CASZ1: variants seen among roughly 807,000 people sequenced by gnomAD.
CASZ1 encodes zinc finger protein castor homolog 1.
CASZ1 carries 28 observed loss-of-function variants against 135.2 expected under a neutral mutation model. The ratio of observed to expected loss-of-function variants is 0.21; its 90% confidence interval spans 0.15 to 0.28. CASZ1 has a LOEUF of 0.28. CASZ1 is among the 10% of genes least tolerant of loss of function. The pLI, the probability that CASZ1 is intolerant of heterozygous loss-of-function variation, is 1.00. For synonymous variants in CASZ1, 1,068 were observed against 1,073.4 expected, an observed-to-expected ratio of 0.99 and a Z score of 0.10; for missense variants, 2,161 against 2,453.3, an observed-to-expected ratio of 0.88 and a Z score of 2.52.
At chr1:10,763,819 G>A (rs1442710960) in intron 1 of CASZ1, among the ~76,000 whole-genome samples, 1 of 152,170 alleles carries the variant, frequency 6.6e-6, no homozygotes, top group African/African-American at 2.4e-5. Context: ...GATGAGCTCC[G>A]TGCAGCTTGG....
intron 2 of CASZ1, among the ~76,000 whole-genome samples, chr1:10,758,454 C>T (rs1414445461): frequency 1.3e-5 from 2 of 151,918 alleles, no homozygotes; most frequent in Non-Finnish European, 2.9e-5. Context: ...GCCTTAGCCT[C>T]CCAAGTAGCT....
rs1299895761 is a variant in CASZ1 at position 10,706,592 on chromosome 1, C to T, written c.-76-1048G>A. On this transcript the variant is annotated intron_variant, in intron 2 of 20. Transcript: ENST00000377022. This position sits in a 1 kb window ranked among gnomAD's most constrained non-coding sequence, Gnocchi z 4.3. ...GCTCCCGGAATGCCACCCAGTCCCACCGCCCGCTCTCCGGTTCCCAGGACA... is the reference window on the plus strand; with the variant it reads ...GCTCCCGGAATGCCACCCAGTCCCATCGCCCGCTCTCCGGTTCCCAGGACA... 1.3e-5 allele frequency among the ~76,000 whole-genome samples: 2 copies of T among 152,212 alleles called. No individual in the cohort carries two copies. Among genetic ancestry groups the T allele is most frequent in the African/African-American group, 2.4e-5 (1 of 41,442 alleles).
chr1:10,789,358 C>T (rs552614641), intron 1 of CASZ1, among the ~76,000 whole-genome samples: 5 of 149,324 alleles, frequency 3.3e-5, no homozygotes, highest in Admixed American at 1.3e-4. Context: ...AGGGCCTCTG[C>T]CTGCCCCCCG....
Position 10,700,078 on chromosome 1 carries a change from G to GACACACACACACACACACACACACAC in CASZ1, c.-24+5413_-24+5414insGTGTGTGTGTGTGTGTGTGTGTGTGT, listed in dbSNP as rs1443024550. 1.9e-3 allele frequency among the ~76,000 whole-genome samples: 138 copies of GACACACACACACACACACACACACAC among 74,146 alleles called. 2 individuals carry two copies. Among genetic ancestry groups the GACACACACACACACACACACACACAC allele is most frequent in the African/African-American group, 7.3e-3 (126 of 17,164 alleles). 48.6% of individuals were successfully genotyped at this position (74,146 alleles called of 152,430 possible). ...AGAGACAGAGAGAGAAAGAGAGATA[G>GACACACACACACACACACACACACAC]AGACACACACACACACACACACACA... On this transcript the variant is annotated intron_variant, in intron 3 of 20. Coordinates refer to ENST00000377022, the MANE Select transcript of CASZ1 (RefSeq NM_001079843.3). The surrounding 1 kb of genome is among the most constrained non-coding windows in gnomAD (Gnocchi z 4.2).
At position 10,735,750 on chromosome 1, in the gene CASZ1, G is replaced by A. The variant is rs2100518142; in HGVS notation, c.-77+24951C>T. On this transcript the variant is annotated intron_variant, in intron 2 of 20. Transcript: ENST00000377022. This position sits in a 1 kb window ranked among gnomAD's most constrained non-coding sequence, Gnocchi z 5.1. Reference sequence around the variant, plus strand: ...AAGTCACGGGCATCTGCCTACCAAGGGACAGGCCCAGTGTCATCTGACAGG... The same window carrying A: ...AAGTCACGGGCATCTGCCTACCAAGAGACAGGCCCAGTGTCATCTGACAGG... 6.6e-6 allele frequency among the ~76,000 whole-genome samples: 1 copy of A among 152,280 alleles called. No homozygotes were observed. The highest frequency in any genetic ancestry group is 1.9e-4 in the East Asian group (1 of 5,190).
chr1:10,694,826 G>A lies in CASZ1; in HGVS notation c.-23-914C>T, dbSNP rs1340360557. 6.9e-6 allele frequency among the ~76,000 whole-genome samples: 1 copy of A among 145,276 alleles called. No individual in the cohort carries two copies. Among genetic ancestry groups the A allele is most frequent in the Non-Finnish European group, 1.5e-5 (1 of 65,444 alleles). On this transcript the variant is annotated intron_variant, in intron 3 of 20. Transcript: ENST00000377022. The surrounding 1 kb of genome is among the most constrained non-coding windows in gnomAD (Gnocchi z 6.6). The stretch of plus-strand genomic sequence containing the variant: ...CTCAGGGCTGGCGGGAGGGGACCCG[G>A]CGCGGGGCGGGGAACGCGGCCCGAG...
Position 10,642,958 on chromosome 1 carries a change from C to G in CASZ1, c.4063G>C (p.Asp1355His). ...LMDAETDECM[D>H]YTGCSPGAMS... ...GCGCCTGGGCTGCAGCCAGTGTAGT[C>G]CATGCACTCATCTGTCTCAGCATCC... Residue 1355 changes from aspartate (D) to histidine (H), a missense_variant, in exon 20 of 21, where the codon GAC becomes CAC. Asp to His is a moderately conservative substitution (Grantham distance 81, BLOSUM62 -1). Transcript: ENST00000377022. 1 of 1,613,118 alleles carries G rather than the reference C, an allele frequency of 6.2e-7. No individual in the cohort carries two copies. The highest frequency in any genetic ancestry group is 8.5e-7 in the Non-Finnish European group (1 of 1,179,996).
intron 1 of CASZ1, among the ~76,000 whole-genome samples, chr1:10,761,060 G>A (rs1450505674): frequency 2.0e-5 from 3 of 152,352 alleles, no homozygotes; most frequent in African/African-American, 7.2e-5. Context: ...TGCAACCAAC[G>A]CACCCTTCGC....
intron 2 of CASZ1, among the ~76,000 whole-genome samples, chr1:10,713,635 C>G (rs889434601): frequency 9.2e-5 from 14 of 152,224 alleles, no homozygotes; most frequent in African/African-American, 3.4e-4. Context: ...TCCCTCAGCT[C>G]TCTTCGTTTG....
chr1:10,714,545 C>T (rs1639344303), intron 2 of CASZ1, among the ~76,000 whole-genome samples: 1 of 152,196 alleles, frequency 6.6e-6, no homozygotes, highest in South Asian at 2.1e-4. Flanking sequence ...TGCTGACGGG[C>T]ACCCCCCGCC....
At chr1:10,667,573 C>T (rs948241752) in intron 4 of CASZ1, among the ~76,000 whole-genome samples, 7 of 152,150 alleles carry the variant, frequency 4.6e-5, no homozygotes, top group South Asian at 4.1e-4. Flanking sequence ...TCTGTGACGC[C>T]GGGTGTCCTC....
chr1:10,684,149 G>T (rs1234708394), intron 4 of CASZ1, among the ~76,000 whole-genome samples: 2 of 147,566 alleles, frequency 1.4e-5, no homozygotes, highest in African/African-American at 4.9e-5. Flanking sequence ...GGCTCTCTCG[G>T]AAGGAAGGCG....
At position 10,774,394 on chromosome 1, in the gene CASZ1, T is replaced by C. The variant is rs1640626798; in HGVS notation, c.-233-13537A>G. Among the ~76,000 whole-genome samples the C allele has an allele frequency of 6.6e-6, 1 of 152,118 alleles. No homozygotes were observed. Among genetic ancestry groups the C allele is most frequent in the South Asian group, 2.1e-4 (1 of 4,824 alleles). ...GGGCCAAGTTCAGGGCCTCCCTCTC[T>C]GTCCCTGAGATTAGGGATTTGGAAA... On this transcript the variant is annotated intron_variant, in intron 1 of 20. Transcript: ENST00000377022. The surrounding 1 kb of genome is among the most constrained non-coding windows in gnomAD (Gnocchi z 4.4).
intron 2 of CASZ1, among the ~76,000 whole-genome samples, chr1:10,744,063 T>A (rs1260247920): frequency 6.6e-6 from 1 of 152,014 alleles, no homozygotes; most frequent in East Asian, 1.9e-4. Context: ...TCGGGCACTC[T>A]CTCCCCCTTA....
chr1:10,785,679 A>G (rs995953654), intron 1 of CASZ1, among the ~76,000 whole-genome samples: 1 of 152,142 alleles, frequency 6.6e-6, no homozygotes, highest in Non-Finnish European at 1.5e-5. Context: ...AGCTCCATCC[A>G]TGTCAGGGGC....
At chr1:10,650,893 C>G (rs144774131) in intron 12 of CASZ1, 48 bp downstream of exon 12, 6 of 1,606,702 alleles carry the variant, frequency 3.7e-6, no homozygotes, top group East Asian at 2.2e-5. Context: ...GGCTCCAGCT[C>G]GAAGGTGTGG....
chr1:10,694,921 A>G lies in CASZ1; in HGVS notation c.-23-1009T>C, dbSNP rs1376022814. 7.1e-6 allele frequency among the ~76,000 whole-genome samples: 1 copy of G among 141,546 alleles called. No homozygotes were observed. The highest frequency in any genetic ancestry group is 2.5e-5 in the African/African-American group (1 of 39,222). The allele number at this position is 141,546 out of a possible 152,430, so 92.9% of individuals were successfully genotyped here. On this transcript the variant is annotated intron_variant, in intron 3 of 20. Coordinates refer to ENST00000377022, the MANE Select transcript of CASZ1 (RefSeq NM_001079843.3). The surrounding 1 kb of genome is among the most constrained non-coding windows in gnomAD (Gnocchi z 6.6). ...GCCGCGCGCGCGCTCGCATGCTGCCAGCGGCCGCTCGGGCCCCGCGAGCGC... is the reference window on the plus strand; with the variant it reads ...GCCGCGCGCGCGCTCGCATGCTGCCGGCGGCCGCTCGGGCCCCGCGAGCGC...
intron 4 of CASZ1, among the ~76,000 whole-genome samples, chr1:10,688,864 C>T (rs1638676965): frequency 6.6e-6 from 1 of 152,062 alleles, no homozygotes; most frequent in Non-Finnish European, 1.5e-5. Flanking sequence ...TCCTCCTGCT[C>T]CCAGCTTCTC....
chr1:10,637,164 T>G lies in CASZ1; in HGVS notation c.*1778A>C, dbSNP rs1466146613. 1 of 152,270 alleles carries G rather than the reference T, an allele frequency of 6.6e-6. No homozygotes were observed. The highest frequency in any genetic ancestry group is 1.5e-5 in the Non-Finnish European group (1 of 68,000). 9.4% of individuals were successfully genotyped at this position (152,270 alleles called of 1,614,324 possible). ...GATTTTGCTACATTGAAAAAATGTT[T>G]GTGTGTGTGTGTTTTTTTTTCCTTT... On this transcript the variant is annotated 3_prime_UTR_variant, in exon 21 of 21. Transcript: ENST00000377022.
Sources: allele counts gnomAD v4.1 joint callset (sites outside exome capture counted in the v4.1 genomes callset), GRCh38; gene constraint gnomAD v4.1.1; non-coding constraint Gnocchi (gnomAD v3.1); transcripts MANE v1.5; gene names NCBI Gene and HGNC (gene_info 2026-07-23, HGNC 2026-07-21).